The following PIK3CB variants were observed in gnomAD, a reference collection of about 807,000 sequenced individuals.
The protein encoded by PIK3CB is phosphatidylinositol 4,5-bisphosphate 3-kinase catalytic subunit beta isoform.
A neutral mutation model predicts 136.8 loss-of-function variants in PIK3CB; 39 were observed. The observed-to-expected ratio is 0.29, with a 90% CI of 0.22 to 0.37. The LOEUF (loss-of-function observed/expected upper bound fraction) is 0.37, where lower values mean the gene tolerates loss of function less well. PIK3CB is among the 10% of genes least tolerant of loss of function. PIK3CB has a pLI of 1.00. For missense variants in PIK3CB, 868 were observed against 1,275.4 expected (o/e 0.68, Z 4.87); for synonymous variants, 428 against 436.6 (o/e 0.98, Z 0.25).
chr3:138,688,426 G>A (rs146800516), intron 16 of PIK3CB, among the ~76,000 whole-genome samples: 4,475 of 150,582 alleles, frequency 0.03, 219 homozygotes, highest in African/African-American at 0.1. Flanking sequence ...GCTTGAACCC[G>A]GGAGGCGGAG....
intron 19 of PIK3CB, among the ~76,000 whole-genome samples, chr3:138,671,422 G>A (rs2043530145): frequency 6.6e-6 from 1 of 152,114 alleles, no homozygotes; most frequent in African/African-American, 2.4e-5. Context: ...CAGCAACCTT[G>A]TAGACTAAGG....
At chr3:138,723,465 C>A (rs550184259) in intron 8 of PIK3CB, among the ~76,000 whole-genome samples, 1 of 152,202 alleles carries the variant, frequency 6.6e-6, no homozygotes, top group East Asian at 1.9e-4. Context: ...GTGGAAGGAT[C>A]CCTTGAGCCT....
At chr3:138,661,023 A>C (rs1002907898) in intron 21 of PIK3CB, among the ~76,000 whole-genome samples, 2 of 152,194 alleles carry the variant, frequency 1.3e-5, no homozygotes, top group African/African-American at 4.8e-5. Flanking sequence ...TCTAGAATAG[A>C]ATCACCTAGT....
intron 19 of PIK3CB, among the ~76,000 whole-genome samples, chr3:138,668,335 G>C (rs2108435128): frequency 6.6e-6 from 1 of 152,180 alleles, no homozygotes; most frequent in South Asian, 2.1e-4. Flanking sequence ...TCAAAAGCAG[G>C]CAACGATGAA....
intron 8 of PIK3CB, among the ~76,000 whole-genome samples, chr3:138,722,143 T>C (rs1288365861): frequency 1.4e-5 from 2 of 147,682 alleles, no homozygotes; most frequent in South Asian, 2.1e-4. Context: ...TTTTTTTTTT[T>C]TTCTTATTTC....
Position 138,708,263 on chromosome 3 carries a change from CTTTTTTTT to C in PIK3CB, c.1400-982_1400-975del, listed in dbSNP as rs61178842. On this transcript the variant is annotated intron_variant, in intron 10 of 23. Coordinates refer to ENST00000674063, the MANE Select transcript of PIK3CB (RefSeq NM_006219.3). ...CTCACGGACTCAATTTTTTCTTTTTCTTTTTTTTTTTTTTTTTTTGAGACAGGGTTTCT... is the reference window on the plus strand; with the variant it reads ...CTCACGGACTCAATTTTTTCTTTTTCTTTTTTTTTTTGAGACAGGGTTTCT... Among the ~76,000 whole-genome samples, 12 of 108,876 alleles carry C rather than the reference CTTTTTTTT, an allele frequency of 1.1e-4. 1 individual carries two copies. The East Asian group carries it at 3.2e-3, about 29-fold the overall frequency. The allele number at this position is 108,876 out of a possible 152,430, so 71.4% of individuals were successfully genotyped here.
At chr3:138,694,655 CA>C in intron 14 of PIK3CB, 130 bp downstream of exon 14, 2 of 921,290 alleles carry the variant, frequency 2.2e-6, no homozygotes, top group Non-Finnish European at 3.2e-6. Flanking sequence ...GGCAGGAGTA[CA>C]TGAGCAAATG....
intron 19 of PIK3CB, among the ~76,000 whole-genome samples, chr3:138,680,340 A>C (rs1234064748): frequency 6.6e-6 from 1 of 151,932 alleles, no homozygotes; most frequent in Non-Finnish European, 1.5e-5. Context: ...CCTGGGTGAC[A>C]GAGCGAGACT....
intron 1 of PIK3CB, among the ~76,000 whole-genome samples, chr3:138,809,654 TGGAG>T (rs1255977473): frequency 2.0e-5 from 3 of 151,248 alleles, no homozygotes; most frequent in Non-Finnish European, 2.9e-5. Flanking sequence ...TTTTCACTAT[TGGAG>T]TAGGAGTTTA....
At chr3:138,668,885 T>G (rs2043468870) in intron 19 of PIK3CB, among the ~76,000 whole-genome samples, 1 of 152,144 alleles carries the variant, frequency 6.6e-6, no homozygotes, top group South Asian at 2.1e-4. Flanking sequence ...TGCTTCTATG[T>G]GTATATATTA....
chr3:138,774,661 A>C (rs1345739466), intron 2 of PIK3CB, among the ~76,000 whole-genome samples: 1 of 152,218 alleles, frequency 6.6e-6, no homozygotes, highest in Non-Finnish European at 1.5e-5. Context: ...GTCATGAGCC[A>C]AATTGTACAA....
At chr3:138,712,584 T>C (rs1454315152) in intron 9 of PIK3CB, among the ~76,000 whole-genome samples, 2 of 151,912 alleles carry the variant, frequency 1.3e-5, no homozygotes, top group African/African-American at 4.8e-5. Context: ...TTTTTTTTTT[T>C]TTGAGATGGA....
At chr3:138,718,700 C>A (rs1359097905) in intron 8 of PIK3CB, among the ~76,000 whole-genome samples, 3 of 151,984 alleles carry the variant, frequency 2.0e-5, no homozygotes, top group Non-Finnish European at 4.4e-5. Context: ...GTCTTTAATC[C>A]ACCTTGAGTT....
chr3:138,665,285 A>G, intron 19 of PIK3CB, 82 bp from the exon 20 acceptor site: 1 of 1,099,114 alleles, frequency 9.1e-7, no homozygotes. Context: ...TTTACTTTTT[A>G]AAAAAAGTTT....
chr3:138,833,017 A>C (rs545945680), intron 1 of PIK3CB, among the ~76,000 whole-genome samples: 91 of 151,762 alleles, frequency 6.0e-4, no homozygotes, highest in African/African-American at 2.0e-3. Flanking sequence ...GCCTCAAAAA[A>C]CAACAATAAT....
intron 4 of PIK3CB, among the ~76,000 whole-genome samples, chr3:138,746,440 C>G (rs950513349): frequency 8.8e-4 from 134 of 152,098 alleles, no homozygotes; most frequent in African/African-American, 3.2e-3. Flanking sequence ...GAGGGCGGAT[C>G]ACGAGGTCAG....
At chr3:138,690,975 T>G in intron 15 of PIK3CB, 25 bp downstream of exon 15, 1 of 1,583,522 alleles carries the variant, frequency 6.3e-7, no homozygotes, top group Non-Finnish European at 8.6e-7. Flanking sequence ...CCTGGTGGGC[T>G]CAAAGTAAAA....
chr3:138,757,779 G>A (rs1324392078), intron 3 of PIK3CB, among the ~76,000 whole-genome samples: 1 of 151,954 alleles, frequency 6.6e-6, no homozygotes, highest in Non-Finnish European at 1.5e-5. Context: ...CCAGTATGTA[G>A]ACAAACTGGA....
At chr3:138,794,498 T>A (rs944829416) in intron 2 of PIK3CB, among the ~76,000 whole-genome samples, 4 of 152,182 alleles carry the variant, frequency 2.6e-5, no homozygotes, top group African/African-American at 9.6e-5. Context: ...TTAGCTAGCA[T>A]AACCTTTTAG....
Sources: gnomAD v4.1 joint callset for allele counts (sites outside exome capture counted in the v4.1 genomes callset) on GRCh38, gnomAD v4.1.1 for gene constraint, MANE v1.5 for transcripts, NCBI Gene and HGNC (gene_info 2026-07-23, HGNC 2026-07-21) for gene names.